POU2F1: variants seen among roughly 807,000 people sequenced by gnomAD.
POU2F1 encodes the protein POU domain, class 2, transcription factor 1.
In POU2F1, 16 loss-of-function variants were observed where a neutral mutation model predicts 84.9. The ratio of observed to expected loss-of-function variants is 0.19; its 90% CI spans 0.13 to 0.29. The LOEUF (loss-of-function observed/expected upper bound fraction) is 0.29. Among genes scored for constraint, POU2F1 ranks in the 10% least tolerant of loss-of-function variants. The probability of loss-of-function intolerance (pLI) is 1.00; values close to 1 mark genes in which losing one functional copy is unlikely to be tolerated. For synonymous variants in POU2F1, 368 were observed against 368.3 expected (o/e 1.00, Z 0.01); for missense variants, 738 against 942.6 (o/e 0.78, Z 2.84).
At chr1:167,368,554 C>G (rs1487031318) in intron 3 of POU2F1, among the ~76,000 whole-genome samples, 1 of 152,050 alleles carries the variant, frequency 6.6e-6, no homozygotes, top group East Asian at 1.9e-4. Flanking sequence ...AAGTAAAAAT[C>G]ACATAAAATT....
At chr1:167,263,962 A>G (rs1651761441) in intron 1 of POU2F1, among the ~76,000 whole-genome samples, 2 of 152,168 alleles carry the variant, frequency 1.3e-5, no homozygotes, top group East Asian at 1.9e-4. Flanking sequence ...TGTAATTGCT[A>G]TGTGCCAGGT....
At position 167,416,042 on chromosome 1, in the gene POU2F1, T is replaced by C; in HGVS notation, c.*232T>C. On this transcript the variant is annotated 3_prime_UTR_variant, in exon 16 of 16. Coordinates refer to ENST00000367866, the MANE Select transcript of POU2F1 (RefSeq NM_002697.4). ...CCTAATTTTGTAATAAAACACTGTC[T>C]TTTCAGGATTGCTTCATGGATTGGA... 1 of 642,616 alleles carries C rather than the reference T, an allele frequency of 1.6e-6. No individual in the cohort carries two copies. The highest frequency in any genetic ancestry group is 2.8e-6 in the Non-Finnish European group (1 of 360,070). The allele number at this position is 642,616 out of a possible 1,614,324, so 39.8% of individuals were successfully genotyped here.
At chr1:167,401,304 T>G (rs557960734) in intron 12 of POU2F1, 147 bp from the exon 13 acceptor site, 1 of 521,400 alleles carries the variant, frequency 1.9e-6, no homozygotes, top group African/African-American at 2.0e-5. Context: ...ATCTGTGATA[T>G]CAGTGAACAA....
chr1:167,224,892 G>A (rs576013589), intron 1 of POU2F1, among the ~76,000 whole-genome samples: 4 of 147,754 alleles, frequency 2.7e-5, no homozygotes, highest in African/African-American at 7.6e-5. Context: ...GCGTTGGTGC[G>A]ATCTCGGCTC....
intron 15 of POU2F1, among the ~76,000 whole-genome samples, chr1:167,413,456 T>C (rs1013775424): frequency 6.6e-6 from 1 of 152,138 alleles, no homozygotes; most frequent in Non-Finnish European, 1.5e-5. Flanking sequence ...TTATCCCAAG[T>C]ATTAATCTAA....
intron 7 of POU2F1, chr1:167,380,693 T>G (rs1647472221): frequency 6.6e-6 from 1 of 152,256 alleles, no homozygotes; most frequent in South Asian, 2.1e-4. Flanking sequence ...TTTTGGAATT[T>G]TAATAATGTT....
chr1:167,308,035 C>T (rs2102591131), intron 1 of POU2F1, among the ~76,000 whole-genome samples: 1 of 151,584 alleles, frequency 6.6e-6, no homozygotes, highest in Non-Finnish European at 1.5e-5. Context: ...ATTCTTATTG[C>T]ATCCTTTCAG....
chr1:167,237,366 G>A (rs1465168871), intron 1 of POU2F1, among the ~76,000 whole-genome samples: 1 of 152,200 alleles, frequency 6.6e-6, no homozygotes, highest in Non-Finnish European at 1.5e-5. Flanking sequence ...ATTTGGGATG[G>A]ATGAGGAAAG....
intron 1 of POU2F1, among the ~76,000 whole-genome samples, chr1:167,282,810 G>A (rs1653250036): frequency 6.6e-6 from 1 of 152,170 alleles, no homozygotes; most frequent in South Asian, 2.1e-4. Context: ...CCTAGCAAAT[G>A]GGGTTAAATG....
At chr1:167,376,482 G>A (rs148449645) in intron 7 of POU2F1, 1 of 204,480 alleles carries the variant, frequency 4.9e-6, no homozygotes, top group African/African-American at 2.3e-5. Flanking sequence ...GTTTTTCATG[G>A]AAGTGTATTC....
intron 1 of POU2F1, among the ~76,000 whole-genome samples, chr1:167,231,538 C>T (rs183442286): frequency 1.3e-5 from 2 of 152,248 alleles, no homozygotes; most frequent in East Asian, 3.9e-4. Flanking sequence ...TTATGATGAA[C>T]CAATATGGCC....
At chr1:167,400,272 A>G (rs1649117535) in intron 12 of POU2F1, among the ~76,000 whole-genome samples, 1 of 151,986 alleles carries the variant, frequency 6.6e-6, no homozygotes, top group Non-Finnish European at 1.5e-5. Flanking sequence ...CTGGGATTAC[A>G]GGTGTGAGCC....
chr1:167,390,613 T>A (rs1648329761), intron 9 of POU2F1, among the ~76,000 whole-genome samples: 1 of 151,592 alleles, frequency 6.6e-6, no homozygotes, highest in Non-Finnish European at 1.5e-5. Flanking sequence ...TGGGACCCTG[T>A]CTCTCCAAAA....
chr1:167,261,293 G>A (rs180903473), intron 1 of POU2F1, among the ~76,000 whole-genome samples: 11 of 152,250 alleles, frequency 7.2e-5, no homozygotes, highest in Non-Finnish European at 1.0e-4. Flanking sequence ...TGCCACTCAT[G>A]AAAGGAAAGA....
intron 1 of POU2F1, among the ~76,000 whole-genome samples, chr1:167,263,418 G>T (rs1260852257): frequency 6.6e-6 from 1 of 151,848 alleles, no homozygotes; most frequent in East Asian, 1.9e-4. Flanking sequence ...TACTCAGGGG[G>T]TTGAGACAGA....
intron 13 of POU2F1, among the ~76,000 whole-genome samples, chr1:167,409,008 A>G (rs901597592): frequency 6.6e-6 from 1 of 152,212 alleles, no homozygotes; most frequent in South Asian, 2.1e-4. Context: ...GTGGCTTTTG[A>G]AGCGCAAAAG....
chr1:167,313,795 G>C (rs1251533902), intron 1 of POU2F1, among the ~76,000 whole-genome samples: 2 of 152,186 alleles, frequency 1.3e-5, no homozygotes, highest in East Asian at 3.8e-4. Flanking sequence ...AGGATGAAAA[G>C]ACATGGTCCA....
chr1:167,367,601 T>A (rs1659763095), intron 3 of POU2F1, among the ~76,000 whole-genome samples: 1 of 152,130 alleles, frequency 6.6e-6, no homozygotes, highest in Non-Finnish European at 1.5e-5. Context: ...CTTCCTATTT[T>A]AAAAAAACTT....
chr1:167,267,674 C>G (rs893577222), intron 1 of POU2F1, among the ~76,000 whole-genome samples: 1 of 83,230 alleles, frequency 1.2e-5, no homozygotes, highest in Non-Finnish European at 2.1e-5. Flanking sequence ...GTGTTTGTTG[C>G]TCTGTTGCCC....
Sources: gnomAD v4.1 joint callset for allele counts (sites outside exome capture counted in the v4.1 genomes callset) on GRCh38, gnomAD v4.1.1 for gene constraint, MANE v1.5 for transcripts, NCBI Gene and HGNC (gene_info 2026-07-23, HGNC 2026-07-21) for gene names.